The following CASTOR2 variants were observed in gnomAD, a reference collection of about 807,000 sequenced individuals.
The protein encoded by CASTOR2 is GATS protein like 2.
A neutral mutation model predicts 31.2 loss-of-function variants in CASTOR2; 8 were observed. That is an observed-to-expected ratio of 0.26 (90% CI 0.15 to 0.46). The LOEUF is 0.46. CASTOR2 is among the 20% of genes least tolerant of loss of function. The pLI is 0.99. For missense variants in CASTOR2, 216 were observed against 382.1 expected, an observed-to-expected ratio of 0.57 and a Z score of 3.62; for synonymous variants, 162 against 158.7, an observed-to-expected ratio of 1.02 and a Z score of -0.16.
Position 75,008,161 on chromosome 7 carries a change from T to C in CASTOR2, c.184+97T>C, listed in dbSNP as rs1261077014. 7.8e-6 allele frequency: 11 copies of C among 1,412,022 alleles called. No individual in the cohort carries two copies. In the East Asian group the frequency reaches 1.4e-4, roughly 18 times the overall value. 87.5% of individuals were successfully genotyped at this position (1,412,022 alleles called of 1,614,324 possible). ...TTTCTGTCCCCCGCCCACCTCCTTA[T>C]TTCTGCCCCCACCTACCTCCTTACT... On this transcript the variant is annotated intron_variant, in intron 2 of 8. Coordinates refer to ENST00000616305, the MANE Select transcript of CASTOR2 (RefSeq NM_001145064.3).
At chr7:75,001,772 G>A (rs1225584976) in intron 1 of CASTOR2, among the ~76,000 whole-genome samples, 1 of 152,246 alleles carries the variant, frequency 6.6e-6, no homozygotes. Flanking sequence ...GCTTCTGAGA[G>A]CTGTGGTCTA....
chr7:75,023,351 C>T (rs1034124104), intron 7 of CASTOR2, among the ~76,000 whole-genome samples: 26 of 152,002 alleles, frequency 1.7e-4, no homozygotes, highest in Non-Finnish European at 1.2e-4. Flanking sequence ...CCTATATAAC[C>T]ACAATGACAG....
chr7:74,994,331 C>T (rs1483070638), intron 1 of CASTOR2, among the ~76,000 whole-genome samples: 5 of 152,196 alleles, frequency 3.3e-5, no homozygotes, highest in Non-Finnish European at 7.3e-5. Flanking sequence ...GTCAACAACT[C>T]TGGCAGGGCG....
intron 2 of CASTOR2, among the ~76,000 whole-genome samples, chr7:75,011,289 C>T (rs1804737380): frequency 6.6e-6 from 1 of 151,494 alleles, no homozygotes; most frequent in African/African-American, 2.4e-5. Context: ...ATTACCCGGG[C>T]ATGGGGACAC....
At chr7:75,017,178 G>C (rs1246770165) in intron 2 of CASTOR2, among the ~76,000 whole-genome samples, 1 of 152,138 alleles carries the variant, frequency 6.6e-6, no homozygotes, top group African/African-American at 2.4e-5. Context: ...GCTGGGTGCG[G>C]TGGCTCACGC....
rs1236441373 is a variant in CASTOR2 at position 74,996,754 on chromosome 7, A to G, written c.114-11240A>G. ...TTTTTTTTTTTTTTTTTGGAGACAG[A>G]ATCTTACTCTGTCACCCAGGCTGGA... On this transcript the variant is annotated intron_variant, in intron 1 of 8. Transcript: ENST00000616305. Among the ~76,000 whole-genome samples the G allele has an allele frequency of 5.1e-5, 5 of 97,756 alleles. No individual in the cohort carries two copies. In the East Asian group the frequency reaches 1.2e-3, roughly 24 times the overall value. The allele number at this position is 97,756 out of a possible 152,430, so 64.1% of individuals were successfully genotyped here.
At chr7:75,009,028 C>T (rs1804668552) in intron 2 of CASTOR2, among the ~76,000 whole-genome samples, 2 of 152,130 alleles carry the variant, frequency 1.3e-5, no homozygotes, top group African/African-American at 4.8e-5. Context: ...ACGATCTCGG[C>T]TCACTGCAAC....
At chr7:74,989,806 C>CA (rs1804162141) in intron 1 of CASTOR2, among the ~76,000 whole-genome samples, 1 of 152,032 alleles carries the variant, frequency 6.6e-6, no homozygotes, top group African/African-American at 2.4e-5. Context: ...AAGCACAAAA[C>CA]AGACACAGTG....
chr7:75,026,229 G>A lies in CASTOR2; in HGVS notation c.*1530G>A, dbSNP rs1805128685. ...TTTGAGATGGGAGTCTGGCTCTGTT[G>A]CCTAGGCTGGAATGCAGTGGCACGA... On this transcript the variant is annotated 3_prime_UTR_variant, in exon 9 of 9. Transcript: ENST00000616305. Among the ~76,000 whole-genome samples, 1 of 128,852 alleles carries A rather than the reference G, an allele frequency of 7.8e-6. No homozygotes were observed. Among genetic ancestry groups the A allele is most frequent in the Middle Eastern group, 4.9e-3 (1 of 204 alleles). The allele number at this position is 128,852 out of a possible 152,430, so 84.5% of individuals were successfully genotyped here.
At chr7:75,005,877 C>T (rs2131943139) in intron 1 of CASTOR2, among the ~76,000 whole-genome samples, 1 of 152,334 alleles carries the variant, frequency 6.6e-6, no homozygotes, top group South Asian at 2.1e-4. Flanking sequence ...TGCCTATAAT[C>T]CCAGCACTTT....
chr7:75,028,039 A>G lies in CASTOR2; in HGVS notation c.*3340A>G. 2.6e-6 allele frequency: 4 copies of G among 1,531,774 alleles called. No individual in the cohort carries two copies. Among genetic ancestry groups the G allele is most frequent in the South Asian group, 1.2e-5 (1 of 83,904 alleles). 94.9% of individuals were successfully genotyped at this position (1,531,774 alleles called of 1,614,324 possible). A position where few individuals can be genotyped will look rare whatever the true frequency, so the allele number is the denominator to read the frequency against. On this transcript the variant is annotated 3_prime_UTR_variant, in exon 9 of 9. Coordinates refer to ENST00000616305, the MANE Select transcript of CASTOR2 (RefSeq NM_001145064.3). ...TCCATCCCCCGGAGGTAATCAGAGG[A>G]GTGGGCCTGTTGTCTTGGCGCTGGC...
chr7:75,006,099 GC>G (rs1804600211), intron 1 of CASTOR2, among the ~76,000 whole-genome samples: 1 of 152,162 alleles, frequency 6.6e-6, no homozygotes, highest in East Asian at 1.9e-4. Flanking sequence ...CACTGCACTA[GC>G]CTCGGTGACA....
At chr7:74,973,359 G>A (rs1407507978) in intron 1 of CASTOR2, among the ~76,000 whole-genome samples, 1 of 14,618 alleles carries the variant, frequency 6.8e-5, no homozygotes, top group Non-Finnish European at 1.6e-4. Context: ...TTTTTTTTTT[G>A]AGACAGAGTC....
intron 7 of CASTOR2, among the ~76,000 whole-genome samples, chr7:75,022,580 A>T (rs1339007351): frequency 5.9e-5 from 9 of 152,126 alleles, no homozygotes; most frequent in Admixed American, 5.9e-4. Flanking sequence ...ATGCAGGTGG[A>T]TCACCTGAGG....
At chr7:74,973,372 GCT>G (rs1554435311) in intron 1 of CASTOR2, among the ~76,000 whole-genome samples, 5 of 78,990 alleles carry the variant, frequency 6.3e-5, no homozygotes, top group Non-Finnish European at 1.1e-4. Context: ...ACAGAGTCTT[GCT>G]CTGTTGCCCC....
chr7:74,995,157 G>T (rs1292882121), intron 1 of CASTOR2, among the ~76,000 whole-genome samples: 6 of 152,150 alleles, frequency 3.9e-5, no homozygotes, highest in Non-Finnish European at 7.3e-5. Flanking sequence ...ATGGCAGGGG[G>T]TCGGGGTAAG....
Position 75,024,844 on chromosome 7 carries a change from AT to A in CASTOR2, c.*146del, listed in dbSNP as rs2131959721. On this transcript the variant is annotated 3_prime_UTR_variant, in exon 9 of 9. Transcript: ENST00000616305. The stretch of plus-strand genomic sequence containing the variant: ...CTGTGGGAGACTCCCTCGATTGCCA[AT>A]CCCTCCAGGGCAGGGGCCCACGCCA... 1.3e-6 allele frequency: 2 copies of A among 1,543,912 alleles called. No individual in the cohort carries two copies. The highest frequency in any genetic ancestry group is 2.0e-5 in the Admixed American group (1 of 50,862).
intron 1 of CASTOR2, among the ~76,000 whole-genome samples, chr7:74,995,772 C>T (rs1328174634): frequency 4.0e-5 from 6 of 150,956 alleles, no homozygotes; most frequent in African/African-American, 1.5e-4. Context: ...CACGCCACTG[C>T]GCTCCAGCCT....
At chr7:74,965,850 TCA>T (rs1177991219) in intron 1 of CASTOR2, among the ~76,000 whole-genome samples, 230 of 10,642 alleles carry the variant, frequency 0.022, 56 homozygotes, top group Middle Eastern at 0.14. Flanking sequence ...AAAGAGGGAA[TCA>T]CACACACACA....
Sources: gnomAD v4.1 joint callset for allele counts (sites outside exome capture counted in the v4.1 genomes callset) on GRCh38, gnomAD v4.1.1 for gene constraint, MANE v1.5 for transcripts, NCBI Gene and HGNC (gene_info 2026-07-23, HGNC 2026-07-21) for gene names.